The following GPR137B variants were observed in gnomAD, a reference collection of about 807,000 sequenced individuals.
GPR137B encodes G protein-coupled receptor 137B.
GPR137B carries 42 observed loss-of-function variants against 42.5 expected under a neutral mutation model. That is an observed-to-expected ratio of 0.99 (90% confidence interval 0.77 to 1.28). The LOEUF is 1.28. Among genes scored for constraint, GPR137B ranks in the 50% most tolerant of loss-of-function variants. The pLI is 0.00. For synonymous variants in GPR137B, 218 were observed against 209.7 expected (o/e 1.04, Z -0.34); for missense variants, 487 against 493.9 (o/e 0.99, Z 0.13).
chr1:236,162,574 G>A, intron 1 of GPR137B, among the ~76,000 whole-genome samples: 1 of 152,314 alleles, frequency 6.6e-6, no homozygotes, highest in East Asian at 1.9e-4. Context: ...CTGGGCCCAG[G>A]GTCCCCATGC....
chr1:236,142,621 C>G lies in GPR137B; in HGVS notation c.-2C>G. ...CGGGGGCGGCGGCGGCCGTGAGCCC[C>G]GATGAGGCCCGAGCGTCCCCGGCCG... is the stretch of plus-strand genomic sequence containing the variant. On this transcript the variant is annotated 5_prime_UTR_variant, in exon 1 of 7. Transcript: ENST00000366592. The G allele has an allele frequency of 1.4e-6, 2 of 1,382,546 alleles. No homozygotes were observed. The highest frequency in any genetic ancestry group is 1.9e-6 in the Non-Finnish European group (2 of 1,076,964). 85.6% of individuals were successfully genotyped at this position (1,382,546 alleles called of 1,614,324 possible). A position where few individuals can be genotyped will look rare whatever the true frequency, so the allele number is the denominator to read the frequency against.
rs1052025795 is a variant in GPR137B at position 236,208,348 on chromosome 1, G to A, written c.*190G>A. On this transcript the variant is annotated 3_prime_UTR_variant, in exon 7 of 7. Transcript: ENST00000366592. ...AACCCTTATTTTAGTACTAAAGAGG[G>A]AGCCTTGCTATTTCAGTGGGTATAA... 7.8e-7 allele frequency: 1 copy of A among 1,281,486 alleles called. No homozygotes were observed. Among genetic ancestry groups the A allele is most frequent in the Non-Finnish European group, 9.9e-7 (1 of 1,006,298 alleles). The allele number at this position is 1,281,486 out of a possible 1,614,324, so 79.4% of individuals were successfully genotyped here.
chr1:236,185,253 A>G (rs1662990106), intron 5 of GPR137B, among the ~76,000 whole-genome samples: 1 of 152,232 alleles, frequency 6.6e-6, no homozygotes, highest in African/African-American at 2.4e-5. Context: ...CTTTAAAGGA[A>G]TACACTGCAG....
chr1:236,203,894 C>A (rs1329387186), intron 5 of GPR137B, among the ~76,000 whole-genome samples: 1 of 152,138 alleles, frequency 6.6e-6, no homozygotes, highest in Non-Finnish European at 1.5e-5. Context: ...ATTAATTTGA[C>A]TTTTTCTATT....
At chr1:236,165,941 A>T (rs1246768003) in intron 1 of GPR137B, among the ~76,000 whole-genome samples, 2 of 152,196 alleles carry the variant, frequency 1.3e-5, no homozygotes, top group Non-Finnish European at 2.9e-5. Flanking sequence ...AAGCATATGA[A>T]CATTTATGTA....
intron 1 of GPR137B, among the ~76,000 whole-genome samples, chr1:236,148,426 G>T (rs977849602): frequency 1.4e-4 from 21 of 152,150 alleles, no homozygotes; most frequent in African/African-American, 3.4e-4. Flanking sequence ...TTGGCAGGAT[G>T]GAACAGGCTG....
intron 1 of GPR137B, among the ~76,000 whole-genome samples, chr1:236,157,303 C>T (rs993189149): frequency 1.3e-5 from 2 of 151,586 alleles, no homozygotes; most frequent in African/African-American, 4.9e-5. Flanking sequence ...CTGCTCACTG[C>T]AAGCTCCGCC....
intron 1 of GPR137B, among the ~76,000 whole-genome samples, chr1:236,159,498 T>C (rs1662125039): frequency 6.6e-6 from 1 of 152,054 alleles, no homozygotes; most frequent in Non-Finnish European, 1.5e-5. Flanking sequence ...ACCCCGTCTC[T>C]TTTTGTATTT....
intron 5 of GPR137B, among the ~76,000 whole-genome samples, chr1:236,192,217 C>G (rs1356958307): frequency 2.0e-5 from 3 of 152,166 alleles, no homozygotes; most frequent in African/African-American, 7.2e-5. Flanking sequence ...TGCTTCTGTG[C>G]TGGCAGCGAG....
rs780168231 is a variant in GPR137B at position 236,150,293 on chromosome 1, CTG to C, written c.414+7261_414+7262del. The stretch of plus-strand genomic sequence containing the variant: ...TGTCTGTGCCTGTGTGTGTCTTTGC[CTG>C]TGTTTGTGTGTATGTGCCTGTGTGT... On this transcript the variant is annotated intron_variant, in intron 1 of 6. Coordinates refer to ENST00000366592, the MANE Select transcript of GPR137B (RefSeq NM_003272.4). This position sits in a 1 kb window ranked among gnomAD's most constrained non-coding sequence, Gnocchi z 6.2. Among the ~76,000 whole-genome samples, 7 of 138,748 alleles carry C rather than the reference CTG, an allele frequency of 5.0e-5. No individual in the cohort carries two copies. The East Asian group carries it at 1.4e-3, about 27-fold the overall frequency. 91.0% of individuals were successfully genotyped at this position (138,748 alleles called of 152,430 possible).
intron 5 of GPR137B, among the ~76,000 whole-genome samples, chr1:236,198,411 G>T (rs1167328300): frequency 6.6e-6 from 1 of 151,940 alleles, no homozygotes; most frequent in African/African-American, 2.4e-5. Flanking sequence ...TTGCCATGTT[G>T]TCCAGGCTGG....
At chr1:236,202,810 C>T (rs560931500) in intron 5 of GPR137B, among the ~76,000 whole-genome samples, 2 of 152,190 alleles carry the variant, frequency 1.3e-5, no homozygotes, top group Non-Finnish European at 2.9e-5. Flanking sequence ...CGATATTCCC[C>T]AATGTTTTCT....
At position 236,187,080 on chromosome 1, in the gene GPR137B, T is replaced by C. The variant is rs140824578; in HGVS notation, c.966+3174T>C. On this transcript the variant is annotated intron_variant, in intron 5 of 6. Coordinates refer to ENST00000366592, the MANE Select transcript of GPR137B (RefSeq NM_003272.4). ...GATGGTATCTCATTGTAGTTTTGAT[T>C]TGCATTTCTCTGATGACCAGTGATG... Among the ~76,000 whole-genome samples the C allele has an allele frequency of 6.9e-3, 1,052 of 152,352 alleles. 11 individuals carry two copies. The highest frequency in any genetic ancestry group is 0.024 in the African/African-American group (986 of 41,568).
In GPR137B at chr1:236,183,943, C is replaced by T. The variant is rs2102914166; in HGVS notation, c.966+37C>T. The stretch of plus-strand genomic sequence containing the variant: ...ATTTTACATTTGTAAGAAAATGTCT[C>T]CTAATTCTGATCATGGAACCTGCAA... On this transcript the variant is annotated intron_variant, in intron 5 of 6. Coordinates refer to ENST00000366592, the MANE Select transcript of GPR137B (RefSeq NM_003272.4). The T allele has an allele frequency of 2.7e-6, 4 of 1,476,074 alleles. No individual in the cohort carries two copies. In the East Asian group the frequency reaches 6.9e-5, roughly 25 times the overall value. 91.4% of individuals were successfully genotyped at this position (1,476,074 alleles called of 1,614,324 possible). A position where few individuals can be genotyped will look rare whatever the true frequency, so the allele number is the denominator to read the frequency against.
chr1:236,203,857 A>G (rs190758864), intron 5 of GPR137B, among the ~76,000 whole-genome samples: 1 of 152,280 alleles, frequency 6.6e-6, no homozygotes, highest in Admixed American at 6.5e-5. Flanking sequence ...TACTGAATTT[A>G]TTAGTTCTCA....
At chr1:236,188,473 A>G (rs1571998748) in intron 5 of GPR137B, among the ~76,000 whole-genome samples, 1 of 151,702 alleles carries the variant, frequency 6.6e-6, no homozygotes, top group South Asian at 2.1e-4. Flanking sequence ...ATAAATAGCT[A>G]TTATTTTGAG....
Position 236,150,937 on chromosome 1 carries a change from G to A in GPR137B, c.414+7901G>A, listed in dbSNP as rs1400341093. ...TGAGTGGCGGGGAGTGGAGGGCAGGGGTCATGACAGTGAGGGGTGGGCTGC... is the reference window on the plus strand; with the variant it reads ...TGAGTGGCGGGGAGTGGAGGGCAGGAGTCATGACAGTGAGGGGTGGGCTGC... On this transcript the variant is annotated intron_variant, in intron 1 of 6. Transcript: ENST00000366592. The surrounding 1 kb of genome is among the most constrained non-coding windows in gnomAD (Gnocchi z 6.2). Among the ~76,000 whole-genome samples the A allele has an allele frequency of 6.6e-6, 1 of 152,138 alleles. No homozygotes were observed. The highest frequency in any genetic ancestry group is 1.9e-4 in the East Asian group (1 of 5,200).
intron 2 of GPR137B, among the ~76,000 whole-genome samples, chr1:236,177,577 A>C (rs1662723721): frequency 1.3e-5 from 2 of 150,798 alleles, no homozygotes; most frequent in Admixed American, 1.3e-4. Flanking sequence ...TTTTTTTGAG[A>C]CTTGAGCCTC....
At chr1:236,186,339 A>C (rs1162284468) in intron 5 of GPR137B, among the ~76,000 whole-genome samples, 1 of 107,662 alleles carries the variant, frequency 9.3e-6, no homozygotes, top group Non-Finnish European at 1.8e-5. Flanking sequence ...ATAATTATAT[A>C]TATTATATAA....
Sources: gnomAD v4.1 joint callset for allele counts (sites outside exome capture counted in the v4.1 genomes callset) on GRCh38, gnomAD v4.1.1 for gene constraint, Gnocchi (gnomAD v3.1) non-coding constraint, MANE v1.5 for transcripts, NCBI Gene and HGNC (gene_info 2026-07-23, HGNC 2026-07-21) for gene names.